Variants in RGPD5 observed in about 807,000 individuals in gnomAD.
The protein encoded by RGPD5 is RANBP2 like and GRIP domain containing 5, also known as RANBP2-like and GRIP domain-containing protein 5/6.
At chr2:109,765,924 G>C in the RGPD5 span, among the ~76,000 whole-genome samples, 2 of 150,494 alleles carry the variant, frequency 1.3e-5, no homozygotes, top group African/African-American at 4.9e-5. Flanking sequence ...ACCTTCAGGT[G>C]CCTCTACCCT....
chr2:109,764,301 C>A, the RGPD5 span, among the ~76,000 whole-genome samples: 1 of 146,752 alleles, frequency 6.8e-6, no homozygotes, highest in African/African-American at 2.5e-5. Context: ...TATGCAGAGG[C>A]GCAAGGCTGC....
the RGPD5 span, among the ~76,000 whole-genome samples, chr2:109,761,963 AGAT>A: frequency 9.3e-5 from 14 of 150,512 alleles, 1 homozygote; most frequent in African/African-American, 3.4e-4. Context: ...TAACTCATAT[AGAT>A]GATATGTGGA....
At chr2:109,794,564 G>GCGGCCC (rs1559006838) in intron 1 of RGPD5, 27 bp downstream of exon 1, 1 of 427,898 alleles carries the variant, frequency 2.3e-6, no homozygotes, top group African/African-American at 7.7e-5. Context: ...GAGAGCGACG[G>GCGGCCC]CGGCCTCGAC....
At chr2:109,777,383 TTGAC>T in the RGPD5 span, among the ~76,000 whole-genome samples, 10 of 145,488 alleles carry the variant, frequency 6.9e-5, no homozygotes, top group South Asian at 6.9e-4. Flanking sequence ...CTTTAATACA[TTGAC>T]TGATTTTTAT....
chr2:109,767,232 A>G, the RGPD5 span, among the ~76,000 whole-genome samples: 3 of 146,830 alleles, frequency 2.0e-5, 1 homozygote, highest in East Asian at 2.1e-4. Context: ...AAGGCCGCAT[A>G]AGGTCAGATT....
chr2:109,774,505 T>TATATATTATATATAAA, the RGPD5 span, among the ~76,000 whole-genome samples: 8 of 32,070 alleles, frequency 2.5e-4, 2 homozygotes, highest in South Asian at 8.6e-3. Context: ...CAAACATATA[T>TATATATTATATATAAA]ATATATATAA....
At chr2:109,763,188 G>C in the RGPD5 span, among the ~76,000 whole-genome samples, 2 of 149,932 alleles carry the variant, frequency 1.3e-5, no homozygotes, top group African/African-American at 4.9e-5. Flanking sequence ...CTTTACTGAG[G>C]TCATAAAACA....
chr2:109,763,264 A>G, the RGPD5 span, among the ~76,000 whole-genome samples: 5 of 150,552 alleles, frequency 3.3e-5, no homozygotes, highest in Non-Finnish European at 5.9e-5. Context: ...CACTGTTCTG[A>G]GTACATTACA....
the RGPD5 span, among the ~76,000 whole-genome samples, chr2:109,765,446 C>T: frequency 1.3e-5 from 2 of 150,372 alleles, no homozygotes; most frequent in African/African-American, 2.4e-5. Context: ...CCCTGCTGTA[C>T]AGGATGCAAA....
At chr2:109,763,589 G>A in the RGPD5 span, among the ~76,000 whole-genome samples, 1 of 149,550 alleles carries the variant, frequency 6.7e-6, no homozygotes, top group Non-Finnish European at 1.5e-5. Context: ...AGCCCTAAAT[G>A]GTATTAAAAT....
the RGPD5 span, among the ~76,000 whole-genome samples, chr2:109,771,604 T>G: frequency 4.7e-5 from 1 of 21,084 alleles, no homozygotes; most frequent in African/African-American, 3.5e-4. Flanking sequence ...TTTAATTTTT[T>G]TCAATAAGTA....
chr2:109,761,327 C>G, the RGPD5 span, among the ~76,000 whole-genome samples: 2 of 151,302 alleles, frequency 1.3e-5, no homozygotes, highest in African/African-American at 2.4e-5. Context: ...ACGAGTGTTT[C>G]TCCGTGCCGG....
chr2:109,765,466 G>C, the RGPD5 span, among the ~76,000 whole-genome samples: 1 of 150,324 alleles, frequency 6.7e-6, no homozygotes, highest in African/African-American at 2.4e-5. Flanking sequence ...AGGACAGTGT[G>C]TTTTTTGGGA....
chr2:109,762,177 T>C, the RGPD5 span, among the ~76,000 whole-genome samples: 1 of 142,838 alleles, frequency 7.0e-6, no homozygotes, highest in Middle Eastern at 3.5e-3. Context: ...GTAATAAAAC[T>C]TTTACGTATT....
chr2:109,794,499 G>C lies in RGPD5; in HGVS notation c.34G>C (p.Val12Leu). 3.8e-6 allele frequency: 2 copies of C among 533,178 alleles called. No individual in the cohort carries two copies. Among genetic ancestry groups the C allele is most frequent in the Non-Finnish European group, 4.2e-6 (2 of 478,546 alleles). The allele number at this position is 533,178 out of a possible 1,614,324, so 33.0% of individuals were successfully genotyped here. A position where few individuals can be genotyped will look rare whatever the true frequency, so the allele number is the denominator to read the frequency against. The change falls in exon 1 of 23, where the codon GTC becomes CTC. Residue 12 changes from valine to leucine, a missense_variant. Transcript: ENST00000016946. ...CAGCAAGGCCGATGTGGAGCGGTAC[G>C]TCGCCTCGGTGCTGGGTCTCACCCC... The part of the protein sequence containing the change: ...RRSKADVERY[V>L]ASVLGLTPSP...
the RGPD5 span, among the ~76,000 whole-genome samples, chr2:109,767,264 G>A: frequency 1.3e-5 from 2 of 148,862 alleles, no homozygotes; most frequent in African/African-American, 4.9e-5. Flanking sequence ...GCGGTGCAGC[G>A]TTCTGTCCCT....
At chr2:109,766,317 C>G in the RGPD5 span, among the ~76,000 whole-genome samples, 6 of 150,908 alleles carry the variant, frequency 4.0e-5, no homozygotes, top group Non-Finnish European at 7.4e-5. Context: ...AGTGTTGCAT[C>G]CGCTGTGGAG....
chr2:109,764,447 T>C, the RGPD5 span, among the ~76,000 whole-genome samples: 65 of 148,998 alleles, frequency 4.4e-4, 1 homozygote, highest in Non-Finnish European at 8.0e-4. Context: ...ATTTAATTCG[T>C]TTAACAAATA....
the RGPD5 span, among the ~76,000 whole-genome samples, chr2:109,760,676 GGCGGCGGCGGTA>G: frequency 8.9e-5 from 13 of 145,612 alleles, no homozygotes; most frequent in Admixed American, 7.0e-4. Flanking sequence ...GAGCTTCGGC[GGCGGCGGCGGTA>G]GCGGCGGCGG....
Sources: allele counts gnomAD v4.1 joint callset (sites outside exome capture counted in the v4.1 genomes callset), GRCh38; gene constraint gnomAD v4.1.1; transcripts MANE v1.5; gene names NCBI Gene and HGNC (gene_info 2026-07-23, HGNC 2026-07-21).